The following DENND2A variants were observed in gnomAD, a reference collection of about 807,000 sequenced individuals.
DENND2A encodes DENN domain containing 2A, also known as DENN domain-containing protein 2A.
Under a neutral mutation model 105.3 loss-of-function variants are expected in DENND2A, and 53 were observed. That is an observed-to-expected ratio of 0.50 (90% confidence interval 0.40 to 0.63). DENND2A has a LOEUF of 0.63. Among genes scored for constraint, DENND2A ranks in the 30% least tolerant of loss-of-function variants. The pLI, the probability that DENND2A is intolerant of heterozygous loss-of-function variation, is 0.00. For synonymous variants in DENND2A, 522 were observed against 508.4 expected (o/e 1.03, Z -0.36); for missense variants, 1,138 against 1,279.6 (o/e 0.89, Z 1.69).
chr7:140,534,515 G>A (rs929507243), intron 14 of DENND2A, among the ~76,000 whole-genome samples: 2 of 152,218 alleles, frequency 1.3e-5, no homozygotes, highest in African/African-American at 4.8e-5. Context: ...TTTGGATGGA[G>A]CTTGTTTCTC....
At chr7:140,532,321 A>G (rs2130484234) in intron 14 of DENND2A, among the ~76,000 whole-genome samples, 2 of 152,326 alleles carry the variant, frequency 1.3e-5, no homozygotes, top group South Asian at 4.1e-4. Flanking sequence ...GGTATTTTGC[A>G]TGAAACCAGT....
At chr7:140,620,232 G>A (rs553990785) in intron 1 of DENND2A, among the ~76,000 whole-genome samples, 109 of 150,244 alleles carry the variant, frequency 7.3e-4, no homozygotes, top group African/African-American at 2.7e-3. Flanking sequence ...ACTGAAGCTA[G>A]AAAGAAAAAA....
At chr7:140,525,913 C>G (rs1335986387) in intron 15 of DENND2A, 121 bp from the exon 16 acceptor site, 51 of 743,882 alleles carry the variant, frequency 6.9e-5, no homozygotes, top group Non-Finnish European at 5.1e-5. Flanking sequence ...GGAGGTGAGC[C>G]ATTTGTGGTT....
chr7:140,546,111 C>T (rs1215514166), intron 13 of DENND2A, among the ~76,000 whole-genome samples: 1 of 152,112 alleles, frequency 6.6e-6, no homozygotes, highest in East Asian at 1.9e-4. Context: ...GGGATGAAAA[C>T]AAACTCCTTC....
intron 3 of DENND2A, among the ~76,000 whole-genome samples, chr7:140,595,819 A>G (rs1415193125): frequency 6.6e-6 from 1 of 150,982 alleles, no homozygotes; most frequent in African/African-American, 2.4e-5. Flanking sequence ...TTAAAACATC[A>G]TCCAGCTGGG....
intron 1 of DENND2A, among the ~76,000 whole-genome samples, chr7:140,638,365 T>A (rs958346479): frequency 1.3e-4 from 20 of 152,236 alleles, no homozygotes; most frequent in Non-Finnish European, 2.6e-4. Flanking sequence ...GTGTACATAC[T>A]TGCTTTTAGT....
chr7:140,535,882 G>T (rs531351581), intron 14 of DENND2A, among the ~76,000 whole-genome samples: 1 of 151,936 alleles, frequency 6.6e-6, no homozygotes, highest in Non-Finnish European at 1.5e-5. Flanking sequence ...GCACCTGGCC[G>T]TCCTTCCAAC....
chr7:140,638,645 C>CT (rs1330904878), intron 1 of DENND2A, among the ~76,000 whole-genome samples: 5 of 152,230 alleles, frequency 3.3e-5, no homozygotes, highest in Non-Finnish European at 5.9e-5. Context: ...CCGGCATGCA[C>CT]TCACATACTG....
In DENND2A at chr7:140,567,086, C is replaced by T. The variant is rs543345285; in HGVS notation, c.1779G>A (p.Lys593=). 2 of 1,582,030 alleles carry T rather than the reference C, an allele frequency of 1.3e-6. No homozygotes were observed. The highest frequency in any genetic ancestry group is 1.3e-5 in the African/African-American group (1 of 74,562). Reference sequence around the variant, plus strand: ...CACAGGGACCTGGCCACCCTGTTACCTTCAGAGGGAACTGTTGGGTGAGTT... The same window carrying T: ...CACAGGGACCTGGCCACCCTGTTACTTTCAGAGGGAACTGTTGGGTGAGTT... ...VPELTQQFPL[K]LERSFKFMRE... is the part of the protein sequence containing the mutation. Residue 593 remains lysine, a splice_region_variant and synonymous_variant, in exon 9 of 20, where the codon AAG becomes AAA. Transcript: ENST00000496613.
At chr7:140,608,611 G>A (rs539408579) in intron 1 of DENND2A, among the ~76,000 whole-genome samples, 4 of 151,894 alleles carry the variant, frequency 2.6e-5, no homozygotes, top group African/African-American at 9.7e-5. Flanking sequence ...AGCAGATGGA[G>A]GTTGCAGTGA....
intron 14 of DENND2A, among the ~76,000 whole-genome samples, chr7:140,538,037 C>T (rs1416128721): frequency 2.6e-5 from 4 of 152,194 alleles, no homozygotes; most frequent in South Asian, 2.1e-4. Flanking sequence ...CAAACTCTTG[C>T]TTGACAGAGC....
intron 14 of DENND2A, among the ~76,000 whole-genome samples, chr7:140,541,505 C>T (rs1047934384): frequency 2.6e-5 from 4 of 152,330 alleles, no homozygotes; most frequent in African/African-American, 9.6e-5. Flanking sequence ...TTCCCCTCCC[C>T]CACATCCAAG....
chr7:140,551,328 G>T (rs1797130562), intron 12 of DENND2A, among the ~76,000 whole-genome samples: 1 of 149,670 alleles, frequency 6.7e-6, no homozygotes, highest in South Asian at 2.1e-4. Context: ...AAAAAGAAAG[G>T]AAAAAGGAAA....
chr7:140,521,172 G>A (rs375352785), intron 18 of DENND2A, among the ~76,000 whole-genome samples: 6 of 152,032 alleles, frequency 3.9e-5, no homozygotes, highest in African/African-American at 1.2e-4. Flanking sequence ...CACCATGCCC[G>A]GCTTCCAGTA....
At chr7:140,569,236 CTCTT>C (rs1797991942) in intron 7 of DENND2A, among the ~76,000 whole-genome samples, 1 of 152,158 alleles carries the variant, frequency 6.6e-6, no homozygotes, top group African/African-American at 2.4e-5. Flanking sequence ...CTCTTGTTGT[CTCTT>C]TCAATGTATT....
intron 1 of DENND2A, among the ~76,000 whole-genome samples, chr7:140,625,034 T>TA (rs1327628523): frequency 6.6e-6 from 1 of 151,918 alleles, no homozygotes; most frequent in Non-Finnish European, 1.5e-5. Context: ...GGAGATTTTT[T>TA]AAAAAACAAC....
chr7:140,527,423 C>T lies in DENND2A; in HGVS notation c.2400G>A (p.Pro800=), dbSNP rs780228497. ...YPFAWQHTYI[P]VLPPAMVDIV... ...TGTCGACCATGGCGGGTGGCAGCAC[C>T]GGGATGTAGGTGTGCTGCCAGGCGA... Residue 800 remains proline, a synonymous_variant, in exon 15 of 20, where the codon CCG becomes CCA. Transcript: ENST00000496613. This position sits in a 1 kb window ranked among gnomAD's most constrained non-coding sequence, Gnocchi z 4.9. The T allele has an allele frequency of 4.6e-5, 74 of 1,599,886 alleles. No homozygotes were observed. The highest frequency in any genetic ancestry group is 5.7e-5 in the Non-Finnish European group (67 of 1,175,270).
In DENND2A at chr7:140,549,788, T is replaced by C. The variant is rs552735383; in HGVS notation, c.2038-2849A>G. Among the ~76,000 whole-genome samples, 8 of 152,308 alleles carry C rather than the reference T, an allele frequency of 5.3e-5. No individual in the cohort carries two copies. The East Asian group carries it at 1.3e-3, about 26-fold the overall frequency. ...AGCAGGGACTTGAATAGATATTTAT[T>C]TGGACACCTATGTTCCTAGCAGAAT... On this transcript the variant is annotated intron_variant, in intron 12 of 19. Coordinates refer to ENST00000496613, the MANE Select transcript of DENND2A (RefSeq NM_015689.5).
intron 12 of DENND2A, among the ~76,000 whole-genome samples, chr7:140,551,319 A>T (rs1157866704): frequency 6.6e-6 from 1 of 151,254 alleles, no homozygotes; most frequent in South Asian, 2.1e-4. Context: ...AAAAAAAAAA[A>T]AAAGAAAGGA....
Sources: gnomAD v4.1 joint callset for allele counts (sites outside exome capture counted in the v4.1 genomes callset) on GRCh38, gnomAD v4.1.1 for gene constraint, Gnocchi (gnomAD v3.1) non-coding constraint, MANE v1.5 for transcripts, NCBI Gene and HGNC (gene_info 2026-07-23, HGNC 2026-07-21) for gene names.